Variants in MRC2 observed in about 807,000 individuals in gnomAD.
MRC2 encodes the protein mannose receptor C-type 2.
MRC2 carries 84 observed loss-of-function variants against 206.2 expected under a neutral mutation model. The ratio of observed to expected loss-of-function variants is 0.41; its 90% CI spans 0.34 to 0.49. The LOEUF is 0.49. MRC2 is among the 20% of genes least tolerant of loss of function. The probability of loss-of-function intolerance (pLI) is 0.31; values close to 1 mark genes in which losing one functional copy is unlikely to be tolerated. For missense variants in MRC2, 1,676 were observed against 2,001.5 expected, an observed-to-expected ratio of 0.84 and a Z score of 3.10; for synonymous variants, 798 against 800.0, an observed-to-expected ratio of 1.00 and a Z score of 0.04.
intron 1 of MRC2, among the ~76,000 whole-genome samples, chr17:62,656,296 C>T (rs1220471088): frequency 2.0e-5 from 3 of 152,260 alleles, no homozygotes; most frequent in East Asian, 1.9e-4. Context: ...TCACCCGCCT[C>T]GGCCTCCCAA....
In MRC2 at chr17:62,675,859, C is replaced by T. The variant is rs200210214; in HGVS notation, c.1639C>T (p.Arg547Cys). Residue 547 changes from arginine to cysteine, a missense_variant, in exon 10 of 30, where the codon CGC becomes TGC. Physicochemically the swap from Arg to Cys is radical, Grantham distance 180 (BLOSUM62 -3). Transcript: ENST00000303375. The surrounding 1 kb of genome is among the most constrained non-coding windows in gnomAD (Gnocchi z 4.1). Reference protein sequence around the residue: ...EDQVTYSEARRLCTDHGSQLV... With the variant: ...EDQVTYSEARCLCTDHGSQLV... The stretch of plus-strand genomic sequence containing the variant: ...CCAAGTGACCTACAGTGAGGCCCGG[C>T]GCCTGTGCACTGACCATGGCTCTCA... 138 of 1,614,114 alleles carry T rather than the reference C, an allele frequency of 8.5e-5. 2 individuals are homozygous for T. The South Asian group carries it at 1.4e-3, about 16-fold the overall frequency.
At chr17:62,659,808 T>C (rs1598979618) in intron 1 of MRC2, among the ~76,000 whole-genome samples, 1 of 152,218 alleles carries the variant, frequency 6.6e-6, no homozygotes, top group Non-Finnish European at 1.5e-5. Context: ...GAGCTGTGGG[T>C]ACTATGTTTT....
At position 62,652,496 on chromosome 17, in the gene MRC2, G is replaced by C. The variant is rs909932929; in HGVS notation, c.119-12052G>C. Among the ~76,000 whole-genome samples the C allele has an allele frequency of 6.6e-6, 1 of 152,240 alleles. No individual in the cohort carries two copies. The highest frequency in any genetic ancestry group is 2.4e-5 in the African/African-American group (1 of 41,468). ...GCGGCCTGGTCAATGAGGTTGGATC[G>C]TTGGCCCAGAAAGCCACTTCCTGCC... On this transcript the variant is annotated intron_variant, in intron 1 of 29. Coordinates refer to ENST00000303375, the MANE Select transcript of MRC2 (RefSeq NM_006039.5). The surrounding 1 kb of genome is among the most constrained non-coding windows in gnomAD (Gnocchi z 4.6).
In MRC2 at chr17:62,680,970, G is replaced by A. The variant is rs2088958705; in HGVS notation, c.2634+10G>A. The A allele has an allele frequency of 6.2e-7, 1 of 1,612,538 alleles. No individual in the cohort carries two copies. The highest frequency in any genetic ancestry group is 1.3e-5 in the African/African-American group (1 of 74,954). On this transcript the variant is annotated intron_variant, in intron 17 of 29. Coordinates refer to ENST00000303375, the MANE Select transcript of MRC2 (RefSeq NM_006039.5). This position sits in a 1 kb window ranked among gnomAD's most constrained non-coding sequence, Gnocchi z 4.8. ...CCACAACTTGCAGAAGGTGGGCATT[G>A]GATTGAGCAGGGGGCTGCAGGCTGG...
chr17:62,646,021 C>CTTT (rs1347844107), intron 1 of MRC2, among the ~76,000 whole-genome samples: 6 of 127,348 alleles, frequency 4.7e-5, no homozygotes, highest in African/African-American at 2.0e-4. Context: ...CTGTCCTTTT[C>CTTT]TATTTTTTTT....
Position 62,672,882 on chromosome 17 carries a change from C to T in MRC2, c.1461+730C>T, listed in dbSNP as rs562832382. On this transcript the variant is annotated intron_variant, in intron 8 of 29. Coordinates refer to ENST00000303375, the MANE Select transcript of MRC2 (RefSeq NM_006039.5). The surrounding 1 kb of genome is among the most constrained non-coding windows in gnomAD (Gnocchi z 4.5). ...TGGCAGATGCCTGTAATCCCAGCTACTCCAGAGGCTGAGGCAAGAGAATCG... is the reference window on the plus strand; with the variant it reads ...TGGCAGATGCCTGTAATCCCAGCTATTCCAGAGGCTGAGGCAAGAGAATCG... 6.6e-6 allele frequency among the ~76,000 whole-genome samples: 1 copy of T among 152,126 alleles called. No homozygotes were observed. The highest frequency in any genetic ancestry group is 2.4e-5 in the African/African-American group (1 of 41,498).
chr17:62,680,397 T>A lies in MRC2; in HGVS notation c.2438-21T>A. 6.2e-7 allele frequency: 1 copy of A among 1,613,958 alleles called. No homozygotes were observed. Among genetic ancestry groups the A allele is most frequent in the Non-Finnish European group, 8.5e-7 (1 of 1,179,948 alleles). Reference sequence around the variant, plus strand: ...GGGAGGGTCTCCTTTCCTCACAACGTCTTTGTCCTTGTTCCCCTAGGTACG... The same window carrying A: ...GGGAGGGTCTCCTTTCCTCACAACGACTTTGTCCTTGTTCCCCTAGGTACG... On this transcript the variant is annotated intron_variant, in intron 15 of 29. Transcript: ENST00000303375. This position sits in a 1 kb window ranked among gnomAD's most constrained non-coding sequence, Gnocchi z 4.8.
intron 1 of MRC2, among the ~76,000 whole-genome samples, chr17:62,645,527 ATTTTTTT>A (rs1164231785): frequency 9.1e-4 from 36 of 39,514 alleles, no homozygotes; most frequent in Middle Eastern, 0.031. Flanking sequence ...ATATATATAT[ATTTTTTT>A]TTTTTTTTTT....
intron 1 of MRC2, among the ~76,000 whole-genome samples, chr17:62,634,220 C>T (rs1394831440): frequency 2.0e-5 from 3 of 152,026 alleles, no homozygotes; most frequent in East Asian, 1.9e-4. Flanking sequence ...TGTAAACTGT[C>T]GTGGCGCTGA....
At chr17:62,691,243 A>C in intron 28 of MRC2, 115 bp downstream of exon 28, 2 of 1,234,974 alleles carry the variant, frequency 1.6e-6, no homozygotes, top group Non-Finnish European at 2.2e-6. Context: ...GAAGGCCTGA[A>C]CAGAACGGAC....
chr17:62,632,836 A>G (rs529443878), intron 1 of MRC2, among the ~76,000 whole-genome samples: 218 of 152,298 alleles, frequency 1.4e-3, no homozygotes, highest in African/African-American at 5.1e-3. Flanking sequence ...AGGGAACACT[A>G]TAGCCAGCCT....
intron 1 of MRC2, among the ~76,000 whole-genome samples, chr17:62,656,024 G>A (rs894178713): frequency 6.6e-6 from 1 of 152,050 alleles, no homozygotes; most frequent in African/African-American, 2.4e-5. Context: ...CGAGTAGCTG[G>A]GACCACAGGC....
Position 62,692,152 on chromosome 17 carries a change from A to G in MRC2, c.4219+14A>G, listed in dbSNP as rs765808635. 6.2e-7 allele frequency: 1 copy of G among 1,614,192 alleles called. No homozygotes were observed. Among genetic ancestry groups the G allele is most frequent in the Non-Finnish European group, 8.5e-7 (1 of 1,180,042 alleles). On this transcript the variant is annotated intron_variant, in intron 29 of 29. Transcript: ENST00000303375. The surrounding 1 kb of genome is among the most constrained non-coding windows in gnomAD (Gnocchi z 4.2). The stretch of plus-strand genomic sequence containing the variant: ...TCTCCCCATCAGGTGAGTGAAAGGC[A>G]ATGCCCCCAGGTGGGCAGGCAGGAA...
chr17:62,638,827 T>A (rs148224500), intron 1 of MRC2, among the ~76,000 whole-genome samples: 1 of 150,350 alleles, frequency 6.7e-6, no homozygotes, highest in African/African-American at 2.5e-5. Context: ...TTGAGGCTGC[T>A]CTTGAACTCC....
Position 62,672,999 on chromosome 17 carries a change from A to T in MRC2, c.1461+847A>T, listed in dbSNP as rs1294737698. 6.6e-6 allele frequency among the ~76,000 whole-genome samples: 1 copy of T among 151,340 alleles called. No individual in the cohort carries two copies. Among genetic ancestry groups the T allele is most frequent in the Non-Finnish European group, 1.5e-5 (1 of 67,918 alleles). ...AGAGCAAGACCCTGTCTCAAAAAAAAAAAAATAAAATAAAAAGGAGAAAGC... is the reference window on the plus strand; with the variant it reads ...AGAGCAAGACCCTGTCTCAAAAAAATAAAAATAAAATAAAAAGGAGAAAGC... On this transcript the variant is annotated intron_variant, in intron 8 of 29. Transcript: ENST00000303375. This position sits in a 1 kb window ranked among gnomAD's most constrained non-coding sequence, Gnocchi z 4.5.
In MRC2 at chr17:62,671,971, T is replaced by G. The variant is rs1392449671; in HGVS notation, c.1307-27T>G. On this transcript the variant is annotated intron_variant, in intron 7 of 29. Transcript: ENST00000303375. This position sits in a 1 kb window ranked among gnomAD's most constrained non-coding sequence, Gnocchi z 4.5. ...GAGGCTGACCTCTCAATGTTTTCTC[T>G]CCCCTCCTCTCCTGCTGCACCCCCA... is the stretch of plus-strand genomic sequence containing the variant. The G allele has an allele frequency of 6.2e-7, 1 of 1,613,852 alleles. No individual in the cohort carries two copies.
intron 1 of MRC2, among the ~76,000 whole-genome samples, chr17:62,631,311 T>C (rs1258744611): frequency 6.6e-6 from 1 of 152,084 alleles, no homozygotes; most frequent in African/African-American, 2.4e-5. Context: ...CAGTAGCTCT[T>C]CGGCACCTCC....
At chr17:62,634,020 G>A (rs2088280502) in intron 1 of MRC2, among the ~76,000 whole-genome samples, 1 of 152,046 alleles carries the variant, frequency 6.6e-6, no homozygotes, top group Non-Finnish European at 1.5e-5. Context: ...ATAAAGAATG[G>A]CTACTCCATA....
chr17:62,654,034 C>T (rs1402158269), intron 1 of MRC2, among the ~76,000 whole-genome samples: 1 of 152,146 alleles, frequency 6.6e-6, no homozygotes, highest in Non-Finnish European at 1.5e-5. Context: ...AAGGACATTT[C>T]CAGGCCTGGC....
Sources: allele counts gnomAD v4.1 joint callset (sites outside exome capture counted in the v4.1 genomes callset), GRCh38; gene constraint gnomAD v4.1.1; non-coding constraint Gnocchi (gnomAD v3.1); transcripts MANE v1.5; gene names NCBI Gene and HGNC (gene_info 2026-07-23, HGNC 2026-07-21).